Variants in APLF observed in about 807,000 individuals in gnomAD.
The protein encoded by APLF is aprataxin and PNKP like factor, also known as aprataxin and PNK-like factor.
APLF carries 61 observed loss-of-function variants against 55.6 expected under a neutral mutation model. That is an observed-to-expected ratio of 1.10 (90% CI 0.89 to 1.36). APLF has a LOEUF of 1.36. Ranked by LOEUF, APLF falls within the 40% of genes most tolerant of loss-of-function variation. The pLI, the probability that APLF is intolerant of heterozygous loss-of-function variation, is 0.00. For missense variants in APLF, 611 were observed against 602.5 expected, an observed-to-expected ratio of 1.01 and a Z score of -0.15; for synonymous variants, 207 against 214.8, an observed-to-expected ratio of 0.96 and a Z score of 0.32.
chr2:68,481,361 A>AGTTTG (rs1558527051), intron 1 of APLF, among the ~76,000 whole-genome samples: 1 of 151,064 alleles, frequency 6.6e-6, no homozygotes, highest in Non-Finnish European at 1.5e-5. Flanking sequence ...CTGGGCTGGC[A>AGTTTG]GTTTTGTTTT....
At chr2:68,523,015 T>C (rs569982511) in intron 5 of APLF, among the ~76,000 whole-genome samples, 3 of 151,940 alleles carry the variant, frequency 2.0e-5, no homozygotes, top group Admixed American at 1.3e-4. Flanking sequence ...GGAAAAATAC[T>C]TCTATGCAAA....
chr2:68,489,060 GTACT>G (rs771881753), intron 1 of APLF, among the ~76,000 whole-genome samples: 4 of 151,744 alleles, frequency 2.6e-5, no homozygotes, highest in Non-Finnish European at 5.9e-5. Context: ...TTATTAGTTT[GTACT>G]TACTTCTTGG....
intron 8 of APLF, among the ~76,000 whole-genome samples, chr2:68,551,602 T>C (rs935106242): frequency 7.4e-6 from 1 of 135,738 alleles, no homozygotes; most frequent in African/African-American, 3.1e-5. Context: ...TTCTTCTTCT[T>C]CTTTTTTTTT....
intron 1 of APLF, among the ~76,000 whole-genome samples, chr2:68,479,101 T>C (rs1675872329): frequency 6.6e-6 from 1 of 152,180 alleles, no homozygotes; most frequent in South Asian, 2.1e-4. Flanking sequence ...AGTGGTCTAC[T>C]TTCCCCCAAA....
chr2:68,553,525 C>T (rs1274786379), intron 8 of APLF, among the ~76,000 whole-genome samples: 1 of 151,778 alleles, frequency 6.6e-6, no homozygotes, highest in Non-Finnish European at 1.5e-5. Flanking sequence ...AAAATATGCC[C>T]AGTGTATCAG....
chr2:68,490,883 G>A (rs1414887603), intron 2 of APLF, among the ~76,000 whole-genome samples: 1 of 151,894 alleles, frequency 6.6e-6, no homozygotes, highest in Non-Finnish European at 1.5e-5. Flanking sequence ...CGTACATAAG[G>A]GTCCATTTAT....
chr2:68,468,208 C>G (rs924290015), intron 1 of APLF, among the ~76,000 whole-genome samples: 1 of 152,156 alleles, frequency 6.6e-6, no homozygotes. Flanking sequence ...GAGGGTATTG[C>G]GGCTTGTCTT....
intron 7 of APLF, among the ~76,000 whole-genome samples, chr2:68,540,634 A>G (rs1670521506): frequency 6.6e-6 from 1 of 152,216 alleles, no homozygotes; most frequent in African/African-American, 2.4e-5. Flanking sequence ...CCAACAGTGT[A>G]AAAGTGTTCC....
intron 2 of APLF, among the ~76,000 whole-genome samples, chr2:68,493,532 C>T (rs1006576148): frequency 1.5e-4 from 23 of 152,060 alleles, no homozygotes; most frequent in African/African-American, 5.1e-4. Context: ...TAAGAAACTT[C>T]GTTTATCAAA....
At chr2:68,563,012 T>A in intron 8 of APLF, 1 of 958,116 alleles carries the variant, frequency 1.0e-6, no homozygotes, top group Non-Finnish European at 1.2e-6. Flanking sequence ...AGCAAATTTT[T>A]GAGCCTGTCA....
At position 68,559,747 on chromosome 2, in the gene APLF, T is replaced by C. The variant is rs139917476; in HGVS notation, c.1287-7594T>C. Among the ~76,000 whole-genome samples the C allele has an allele frequency of 1.6e-3, 239 of 152,274 alleles. 2 individuals carry two copies. Among genetic ancestry groups the C allele is most frequent in the African/African-American group, 5.5e-3 (227 of 41,574 alleles). ...CACCATCCTCTCTTGCCTGGAATAC[T>C]GCAGTAGTTTCCCGATATCCCTGTT... is the stretch of plus-strand genomic sequence containing the variant. On this transcript the variant is annotated intron_variant, in intron 8 of 9. Transcript: ENST00000303795.
rs147794108 is a variant in APLF, at chr2:68,471,124, G to A, written c.96+3297G>A. Among the ~76,000 whole-genome samples the A allele has an allele frequency of 6.5e-3, 987 of 152,142 alleles. 7 individuals carry two copies. The highest frequency in any genetic ancestry group is 0.023 in the African/African-American group (937 of 41,488). On this transcript the variant is annotated intron_variant, in intron 1 of 9. Coordinates refer to ENST00000303795, the MANE Select transcript of APLF (RefSeq NM_173545.3). ...CTAGCACACAGTAGGCCTTTAACAC[G>A]TGATTTCTTCCTTCCATTTCGGCAT... is the stretch of plus-strand genomic sequence containing the variant.
At chr2:68,520,816 A>G (rs1669876734) in intron 5 of APLF, among the ~76,000 whole-genome samples, 1 of 151,920 alleles carries the variant, frequency 6.6e-6, no homozygotes, top group South Asian at 2.1e-4. Flanking sequence ...TTTTGGTTTC[A>G]TATGAATTTT....
chr2:68,550,175 T>C (rs1321180418), intron 8 of APLF, among the ~76,000 whole-genome samples: 1 of 152,182 alleles, frequency 6.6e-6, no homozygotes, highest in East Asian at 1.9e-4. Flanking sequence ...AGTTGCTTCA[T>C]TGGTTTTTAT....
rs149094128 is a variant in APLF at position 68,469,018 on chromosome 2, GTGT to G, written c.96+1195_96+1197del. 3.8e-3 allele frequency among the ~76,000 whole-genome samples: 472 copies of G among 123,722 alleles called. 1 individual carries two copies. The highest frequency in any genetic ancestry group is 0.014 in the African/African-American group (437 of 32,030). The allele number at this position is 123,722 out of a possible 152,430, so 81.2% of individuals were successfully genotyped here. The stretch of plus-strand genomic sequence containing the variant: ...TGTGTGTGTGTGTGTGTGTGTGTGT[GTGT>G]TGTGTGTTGTGTGTTGTGTACATGC... On this transcript the variant is annotated intron_variant, in intron 1 of 9. Transcript: ENST00000303795.
At chr2:68,500,756 A>G (rs575219095) in intron 2 of APLF, among the ~76,000 whole-genome samples, 11 of 152,312 alleles carry the variant, frequency 7.2e-5, no homozygotes, top group African/African-American at 2.4e-4. Context: ...TCTGATGACC[A>G]TGACATACTC....
intron 7 of APLF, among the ~76,000 whole-genome samples, chr2:68,542,851 T>C (rs1558548428): frequency 6.6e-6 from 1 of 152,174 alleles, no homozygotes; most frequent in Non-Finnish European, 1.5e-5. Context: ...AAAGAGTTCA[T>C]AGCAGCACTA....
At chr2:68,488,329 CT>C (rs60462016) in intron 1 of APLF, among the ~76,000 whole-genome samples, 17,725 of 128,824 alleles carry the variant, frequency 0.14, 1,960 homozygotes, top group African/African-American at 0.35. Flanking sequence ...CATTTATTAT[CT>C]TTTTTTTTTT....
chr2:68,496,464 T>G (rs935234507), intron 2 of APLF, among the ~76,000 whole-genome samples: 1 of 152,192 alleles, frequency 6.6e-6, no homozygotes, highest in Non-Finnish European at 1.5e-5. Flanking sequence ...ACAGCCTGCT[T>G]GAATCCTTCT....
Sources: gnomAD v4.1 joint callset for allele counts (sites outside exome capture counted in the v4.1 genomes callset) on GRCh38, gnomAD v4.1.1 for gene constraint, MANE v1.5 for transcripts, NCBI Gene and HGNC (gene_info 2026-07-23, HGNC 2026-07-21) for gene names.